METTL8: variants seen among roughly 807,000 people sequenced by gnomAD.
METTL8 encodes the protein tRNA N(3)-cytidine methyltransferase METTL8, mitochondrial.
In METTL8, 32 loss-of-function variants were observed where a neutral mutation model predicts 48.7. The observed-to-expected ratio is 0.66, with a 90% CI of 0.50 to 0.88. The LOEUF is 0.88. Ranked by LOEUF, METTL8 falls within the 40% of genes least tolerant of loss-of-function variation. The pLI is 0.00. For missense variants in METTL8, 464 were observed against 474.4 expected (o/e 0.98, Z 0.20); for synonymous variants, 136 against 157.1 (o/e 0.87, Z 1.01).
chr2:171,356,503 G>A (rs66893860), intron 3 of METTL8, among the ~76,000 whole-genome samples: 43,249 of 151,930 alleles, frequency 0.28, 7,358 homozygotes, highest in East Asian at 0.65. Flanking sequence ...GATCTATATT[G>A]AACATGAGGT....
intron 2 of METTL8, among the ~76,000 whole-genome samples, chr2:171,367,851 G>A (rs1685884608): frequency 6.6e-6 from 1 of 152,144 alleles, no homozygotes; most frequent in African/African-American, 2.4e-5. Flanking sequence ...AGTTGACAAA[G>A]CACATTGTAA....
chr2:171,371,241 T>C (rs1264239789), intron 2 of METTL8, among the ~76,000 whole-genome samples: 1 of 152,208 alleles, frequency 6.6e-6, no homozygotes, highest in African/African-American at 2.4e-5. Context: ...CTTTCTACTA[T>C]TGAGTCTAAT....
intron 3 of METTL8, among the ~76,000 whole-genome samples, chr2:171,339,764 A>G (rs1686511747): frequency 6.6e-6 from 1 of 152,170 alleles, no homozygotes. Context: ...AAAATGTGGG[A>G]TATTTAGTCC....
intron 2 of METTL8, among the ~76,000 whole-genome samples, chr2:171,369,588 T>C (rs1232579991): frequency 6.6e-6 from 1 of 152,210 alleles, no homozygotes; most frequent in African/African-American, 2.4e-5. Flanking sequence ...TAATTTCTAA[T>C]ACAGAAAATA....
chr2:171,395,779 T>C (rs1358817989), intron 1 of METTL8, among the ~76,000 whole-genome samples: 1 of 152,028 alleles, frequency 6.6e-6, no homozygotes, highest in Admixed American at 6.6e-5. Context: ...CAGTAATAAA[T>C]AGAAAAATAA....
At chr2:171,434,664 G>C (rs556269367), upstream of METTL8, 1 of 1,530,174 alleles carries the variant, frequency 6.5e-7, no homozygotes, top group Non-Finnish European at 8.7e-7. Flanking sequence ...GCGTGGTGCA[G>C]AGGACCAACC....
Position 171,326,143 on chromosome 2 carries a change from T to C in METTL8, c.866A>G (p.Gln289Arg), listed in dbSNP as rs938129634. Residue 289 changes from glutamine to arginine, a missense_variant, in exon 8 of 10, where the codon CAA becomes CGA. By Grantham distance (43) the Gln-to-Arg change is conservative (BLOSUM62 1). Coordinates refer to ENST00000375258, the MANE Select transcript of METTL8 (RefSeq NM_001321154.2). ...CTTGGACAGTCGGTTTACAACACCTTGCATCCTTTGGAAACAAAGTATTAA... is the reference window on the plus strand; with the variant it reads ...CTTGGACAGTCGGTTTACAACACCTCGCATCCTTTGGAAACAAAGTATTAA... ...VLSSIHPDRM[Q>R]GVVNRLSKLL... The C allele has an allele frequency of 6.6e-7, 1 of 1,511,434 alleles. No individual in the cohort carries two copies. 93.6% of individuals were successfully genotyped at this position (1,511,434 alleles called of 1,614,324 possible).
In METTL8 at chr2:171,324,016, T is replaced by A; in HGVS notation, c.*156A>T. 1 of 613,376 alleles carries A rather than the reference T, an allele frequency of 1.6e-6. No individual in the cohort carries two copies. The highest frequency in any genetic ancestry group is 2.8e-6 in the Non-Finnish European group (1 of 359,636). The allele number at this position is 613,376 out of a possible 1,614,324, so 38.0% of individuals were successfully genotyped here. A position where few individuals can be genotyped will look rare whatever the true frequency, so the allele number is the denominator to read the frequency against. On this transcript the variant is annotated 3_prime_UTR_variant, in exon 10 of 10. Coordinates refer to ENST00000375258, the MANE Select transcript of METTL8 (RefSeq NM_001321154.2). The stretch of plus-strand genomic sequence containing the variant: ...GGCATACTGTGCTGAACCACTTACA[T>A]GTGCTTAAAATGCACAAAGGAGCTC...
At chr2:171,399,738 A>C (rs1233981808) in intron 1 of METTL8, among the ~76,000 whole-genome samples, 1 of 152,204 alleles carries the variant, frequency 6.6e-6, no homozygotes, top group Non-Finnish European at 1.5e-5. Context: ...TCTTAACTGC[A>C]AATTTTGCTT....
chr2:171,330,647 A>C lies in METTL8; in HGVS notation c.772T>G (p.Cys258Gly). ...AAAGGGTAAGGTAAGCCATCATCAC[A>C]TACATCATGAACAAAGGCAAAACAC... ...TQCFAFVHDV[C>G]DDGLPYPFPD... is the part of the protein sequence containing the mutation. Residue 258 changes from cysteine (C) to glycine (G), a missense_variant, in exon 7 of 10, where the codon TGT becomes GGT. Physicochemically the swap from Cys to Gly is radical, Grantham distance 159 (BLOSUM62 -3). Transcript: ENST00000375258. 6.2e-7 allele frequency: 1 copy of C among 1,613,668 alleles called. No individual in the cohort carries two copies. The highest frequency in any genetic ancestry group is 8.5e-7 in the Non-Finnish European group (1 of 1,179,642).
In METTL8 at chr2:171,400,699, G is replaced by A. The variant is rs144924579; in HGVS notation, c.-12-8502C>T. On this transcript the variant is annotated intron_variant, in intron 1 of 9. Coordinates refer to ENST00000375258, the MANE Select transcript of METTL8 (RefSeq NM_001321154.2). ...ATTTTAACACCCACGTCTTTTCACC[G>A]GTTTGCTTCTGCAGAGCTGAGTAGT... 4.5e-4 allele frequency among the ~76,000 whole-genome samples: 69 copies of A among 152,166 alleles called. No individual in the cohort carries two copies. The East Asian group carries it at 0.011, about 24-fold the overall frequency.
intron 1 of METTL8, among the ~76,000 whole-genome samples, chr2:171,395,158 T>C (rs1436045978): frequency 6.6e-6 from 1 of 152,242 alleles, no homozygotes; most frequent in Non-Finnish European, 1.5e-5. Context: ...TGGCATACTC[T>C]AATTTGAATA....
chr2:171,360,801 T>G (rs1302666197), intron 2 of METTL8, among the ~76,000 whole-genome samples: 6 of 152,198 alleles, frequency 3.9e-5, no homozygotes, highest in Non-Finnish European at 7.3e-5. Flanking sequence ...GTATGACTAT[T>G]TGGGTGCTGG....
Position 171,321,640 on chromosome 2 carries a change from TC to T in METTL8, c.*2531del, listed in dbSNP as rs1302092117. 1 of 152,218 alleles carries T rather than the reference TC, an allele frequency of 6.6e-6. No individual in the cohort carries two copies. The highest frequency in any genetic ancestry group is 2.4e-5 in the African/African-American group (1 of 41,454). The allele number at this position is 152,218 out of a possible 1,614,324, so 9.4% of individuals were successfully genotyped here. A position where few individuals can be genotyped will look rare whatever the true frequency, so the allele number is the denominator to read the frequency against. On this transcript the variant is annotated 3_prime_UTR_variant, in exon 10 of 10. Transcript: ENST00000375258. ...TTCTTTCAAGAGAGTATTTATTTATTCTAGGTTCTGTGGTTCATAATCAAAG... is the reference window on the plus strand; with the variant it reads ...TTCTTTCAAGAGAGTATTTATTTATTTAGGTTCTGTGGTTCATAATCAAAG...
intron 1 of METTL8, among the ~76,000 whole-genome samples, chr2:171,407,577 G>A (rs1690320427): frequency 6.6e-6 from 1 of 152,114 alleles, no homozygotes; most frequent in Non-Finnish European, 1.5e-5. Context: ...GCTAAAACAT[G>A]GACTCCCGTC....
At chr2:171,391,325 A>C (rs1559161694) in intron 2 of METTL8, among the ~76,000 whole-genome samples, 1 of 152,214 alleles carries the variant, frequency 6.6e-6, no homozygotes, top group Non-Finnish European at 1.5e-5. Flanking sequence ...AAACCAAAAA[A>C]ATTGTGTGAC....
intron 1 of METTL8, among the ~76,000 whole-genome samples, chr2:171,418,204 A>G (rs1691511522): frequency 6.6e-6 from 1 of 152,124 alleles, no homozygotes; most frequent in Non-Finnish European, 1.5e-5. Flanking sequence ...CAATCTCCCA[A>G]AGTGCTGGGA....
At chr2:171,367,248 A>G (rs938594427) in intron 2 of METTL8, among the ~76,000 whole-genome samples, 6 of 152,196 alleles carry the variant, frequency 3.9e-5, no homozygotes, top group African/African-American at 1.4e-4. Flanking sequence ...GAAAACTGAT[A>G]AAAATCAAAG....
chr2:171,427,772 T>G (rs1692567634), intron 1 of METTL8, among the ~76,000 whole-genome samples: 1 of 152,188 alleles, frequency 6.6e-6, no homozygotes, highest in African/African-American at 2.4e-5. Flanking sequence ...GAAATCTTAT[T>G]TTTTCATCTA....
Sources: gnomAD v4.1 joint callset for allele counts (sites outside exome capture counted in the v4.1 genomes callset) on GRCh38, gnomAD v4.1.1 for gene constraint, MANE v1.5 for transcripts, NCBI Gene and HGNC (gene_info 2026-07-23, HGNC 2026-07-21) for gene names.